LYN: variants seen among roughly 807,000 people sequenced by gnomAD.
The protein encoded by LYN is tyrosine-protein kinase Lyn.
In LYN, 12 loss-of-function variants were observed where a neutral mutation model predicts 65.0. The ratio of observed to expected loss-of-function variants is 0.18; its 90% CI spans 0.12 to 0.30. LYN has a LOEUF of 0.30. Ranked by LOEUF, LYN falls within the 10% of genes least tolerant of loss-of-function variation. The pLI is 1.00. For missense variants in LYN, 380 were observed against 623.2 expected (o/e 0.61, Z 4.16); for synonymous variants, 222 against 221.2 (o/e 1.00, Z -0.03).
Position 56,010,186 on chromosome 8 carries a change from C to T in LYN, c.*76C>T, listed in dbSNP as rs919969083. The T allele has an allele frequency of 2.8e-6, 4 of 1,449,966 alleles. No individual in the cohort carries two copies. The highest frequency in any genetic ancestry group is 2.4e-5 in the South Asian group (2 of 85,058). 89.8% of individuals were successfully genotyped at this position (1,449,966 alleles called of 1,614,324 possible). Reference sequence around the variant, plus strand: ...GGAAAAGTAACCATCACTGGTTGCACTTATGATTTCATGTGCGGGGATCAT... The same window carrying T: ...GGAAAAGTAACCATCACTGGTTGCATTTATGATTTCATGTGCGGGGATCAT... On this transcript the variant is annotated 3_prime_UTR_variant, in exon 13 of 13. Transcript: ENST00000519728.
chr8:55,977,046 A>G lies in LYN; in HGVS notation c.1050+7253A>G, dbSNP rs188964938. Among the ~76,000 whole-genome samples the G allele has an allele frequency of 1.3e-4, 20 of 152,108 alleles. No homozygotes were observed. The East Asian group carries it at 3.9e-3, about 29-fold the overall frequency. On this transcript the variant is annotated intron_variant, in intron 10 of 12. Coordinates refer to ENST00000519728, the MANE Select transcript of LYN (RefSeq NM_002350.4). ...CTAAAAATACAAAAGTTAGCCGGGC[A>G]TGGTGGTGTGCGCCTGTAATCCCAG... is the stretch of plus-strand genomic sequence containing the variant.
intron 12 of LYN, among the ~76,000 whole-genome samples, chr8:56,008,125 A>AAAAAT (rs762053359): frequency 3.0e-5 from 4 of 133,602 alleles, no homozygotes; most frequent in African/African-American, 1.2e-4. Flanking sequence ...CCTCAAAAAA[A>AAAAAT]AAATAAAATA....
intron 1 of LYN, among the ~76,000 whole-genome samples, chr8:55,891,744 G>A (rs1804968915): frequency 6.6e-6 from 1 of 152,216 alleles, no homozygotes; most frequent in South Asian, 2.1e-4. Context: ...AAAGTTGCTT[G>A]ATGAGCAGAT....
chr8:55,928,773 A>G (rs1330600496), intron 1 of LYN, among the ~76,000 whole-genome samples: 6 of 150,722 alleles, frequency 4.0e-5, no homozygotes, highest in African/African-American at 1.5e-4. Context: ...TTCATGGATC[A>G]TTTTTTCTTT....
intron 8 of LYN, among the ~76,000 whole-genome samples, chr8:55,963,878 A>G (rs1807362106): frequency 1.3e-5 from 2 of 152,134 alleles, no homozygotes; most frequent in Admixed American, 6.5e-5. Flanking sequence ...GTGATTTGCT[A>G]TGGATATGCT....
At chr8:55,921,788 A>G (rs1342953170) in intron 1 of LYN, among the ~76,000 whole-genome samples, 1 of 152,204 alleles carries the variant, frequency 6.6e-6, no homozygotes, top group African/African-American at 2.4e-5. Context: ...GAGTGTTGAT[A>G]GCAGTATTAC....
rs559181188 is a variant in LYN at position 55,898,442 on chromosome 8, C to A, written c.-6+18339C>A. Among the ~76,000 whole-genome samples the A allele has an allele frequency of 3.4e-3, 517 of 152,208 alleles. 2 individuals carry two copies. The highest frequency in any genetic ancestry group is 5.1e-3 in the Non-Finnish European group (346 of 68,014). On this transcript the variant is annotated intron_variant, in intron 1 of 12. Transcript: ENST00000519728. The stretch of plus-strand genomic sequence containing the variant: ...TAGCTGAGACCACAGGCACGTGCAA[C>A]CATGCCTGGCTAATTTTTGTATTTT...
intron 1 of LYN, among the ~76,000 whole-genome samples, chr8:55,911,261 A>ATG (rs1188748306): frequency 2.1e-4 from 3 of 14,234 alleles, no homozygotes; most frequent in African/African-American, 4.9e-4. Context: ...GTGTGTGTAT[A>ATG]TATATATATA....
chr8:55,948,465 C>T (rs1380237227), intron 4 of LYN, among the ~76,000 whole-genome samples: 1 of 152,216 alleles, frequency 6.6e-6, no homozygotes, highest in African/African-American at 2.4e-5. Context: ...AACTCAGCAG[C>T]TGCCATGCTT....
intron 10 of LYN, among the ~76,000 whole-genome samples, chr8:55,996,935 G>A (rs1391015873): frequency 6.6e-6 from 1 of 152,022 alleles, no homozygotes; most frequent in African/African-American, 2.4e-5. Flanking sequence ...TTTGAGACCA[G>A]CCTGATGAAA....
chr8:55,879,920 CCG>C lies in LYN; in HGVS notation c.-186_-185del, dbSNP rs1804595833. Reference sequence around the variant, plus strand: ...GGCCAGACGCGCTGCAGCCTCCAGCCCGCGGCAAGCGGGGCGGCCGCGCCACC... The same window carrying C: ...GGCCAGACGCGCTGCAGCCTCCAGCCCGGCAAGCGGGGCGGCCGCGCCACC... On this transcript the variant is annotated 5_prime_UTR_variant, in exon 1 of 13. Coordinates refer to ENST00000519728, the MANE Select transcript of LYN (RefSeq NM_002350.4). The C allele has an allele frequency of 1.5e-5, 3 of 201,826 alleles. No homozygotes were observed. The highest frequency in any genetic ancestry group is 7.8e-4 in the Middle Eastern group (1 of 1,286). The allele number at this position is 201,826 out of a possible 1,614,324, so 12.5% of individuals were successfully genotyped here.
chr8:55,904,716 C>G (rs964188406), intron 1 of LYN, among the ~76,000 whole-genome samples: 4 of 152,012 alleles, frequency 2.6e-5, no homozygotes, highest in Non-Finnish European at 5.9e-5. Flanking sequence ...CACCACTGCT[C>G]TCCAGCCTTG....
chr8:55,923,547 CT>C (rs557526674), intron 1 of LYN, among the ~76,000 whole-genome samples: 12 of 150,024 alleles, frequency 8.0e-5, no homozygotes, highest in East Asian at 1.9e-4. Flanking sequence ...GGTCAAACAA[CT>C]TTTTTTTTTG....
chr8:55,946,368 A>G, intron 2 of LYN, 80 bp from the exon 3 acceptor site: 1 of 911,852 alleles, frequency 1.1e-6, no homozygotes, highest in Non-Finnish European at 1.8e-6. Context: ...TGCTACTGTT[A>G]CAAAAATCAT....
Position 55,912,476 on chromosome 8 carries a change from G to A in LYN, c.-5-29379G>A, listed in dbSNP as rs182514110. On this transcript the variant is annotated intron_variant, in intron 1 of 12. Transcript: ENST00000519728. ...CATGGTGGCTTATGCCTGTAATCCCGCACTTTGGGAGGTCGAGGCAAGCGG... is the reference window on the plus strand; with the variant it reads ...CATGGTGGCTTATGCCTGTAATCCCACACTTTGGGAGGTCGAGGCAAGCGG... Among the ~76,000 whole-genome samples, 676 of 152,100 alleles carry A rather than the reference G, an allele frequency of 4.4e-3. 7 individuals carry two copies. The highest frequency in any genetic ancestry group is 5.0e-3 in the Non-Finnish European group (342 of 67,980).
intron 10 of LYN, among the ~76,000 whole-genome samples, chr8:55,992,461 C>T (rs1479021471): frequency 1.3e-5 from 2 of 152,188 alleles, no homozygotes; most frequent in African/African-American, 2.4e-5. Context: ...ACCTTCCTCA[C>T]CTGCCCTTTC....
intron 4 of LYN, among the ~76,000 whole-genome samples, chr8:55,949,047 T>G (rs1217244240): frequency 1.3e-5 from 2 of 152,214 alleles, no homozygotes. Flanking sequence ...CTTCTTCCAG[T>G]GCTCATCCCT....
At chr8:55,956,119 G>A (rs760937081) in intron 8 of LYN, among the ~76,000 whole-genome samples, 1 of 108,204 alleles carries the variant, frequency 9.2e-6, no homozygotes. Context: ...ATTAAAAAAA[G>A]AATGACTTGG....
intron 8 of LYN, among the ~76,000 whole-genome samples, chr8:55,955,668 A>G (rs1032937036): frequency 6.6e-6 from 1 of 152,232 alleles, no homozygotes; most frequent in Non-Finnish European, 1.5e-5. Flanking sequence ...TGTACCCAAT[A>G]AACAATCACT....
Sources: allele counts gnomAD v4.1 joint callset (sites outside exome capture counted in the v4.1 genomes callset), GRCh38; gene constraint gnomAD v4.1.1; transcripts MANE v1.5; gene names NCBI Gene and HGNC (gene_info 2026-07-23, HGNC 2026-07-21).